The following DLG2 variants were observed in gnomAD, a reference collection of about 807,000 sequenced individuals.
The protein encoded by DLG2 is disks large homolog 2.
A neutral mutation model predicts 132.5 loss-of-function variants in DLG2; 45 were observed. The ratio of observed to expected loss-of-function variants is 0.34; its 90% confidence interval spans 0.27 to 0.44. DLG2 has a LOEUF of 0.44. DLG2 is among the 20% of genes least tolerant of loss of function. DLG2 has a pLI of 1.00. For missense variants in DLG2, 1,045 were observed against 1,196.9 expected, an observed-to-expected ratio of 0.87 and a Z score of 1.87; for synonymous variants, 424 against 419.6, an observed-to-expected ratio of 1.01 and a Z score of -0.13.
At chr11:84,566,969 G>A (rs190612192) in intron 6 of DLG2, among the ~76,000 whole-genome samples, 1 of 152,284 alleles carries the variant, frequency 6.6e-6, no homozygotes, top group East Asian at 1.9e-4. Context: ...CTCAGATGTT[G>A]CTCAAAGCTT....
intron 6 of DLG2, among the ~76,000 whole-genome samples, chr11:84,966,125 G>A (rs570830491): frequency 6.6e-6 from 1 of 151,750 alleles, no homozygotes; most frequent in Admixed American, 6.6e-5. Flanking sequence ...AAGAGTAAAG[G>A]TTACTCTTCT....
intron 21 of DLG2, among the ~76,000 whole-genome samples, chr11:83,489,160 T>C (rs2093697051): frequency 6.6e-6 from 1 of 151,970 alleles, no homozygotes; most frequent in Non-Finnish European, 1.5e-5. Context: ...AAGGTAGTCT[T>C]GAAAACCTCT....
At chr11:85,291,429 A>ATAGT (rs2078881929) in intron 3 of DLG2, among the ~76,000 whole-genome samples, 1 of 152,032 alleles carries the variant, frequency 6.6e-6, no homozygotes, top group Non-Finnish European at 1.5e-5. Flanking sequence ...GTATTATGGG[A>ATAGT]ACAATAGCAG....
Position 83,849,575 on chromosome 11 carries a change from T to C in DLG2, c.1566-15805A>G, listed in dbSNP as rs183625072. Among the ~76,000 whole-genome samples the C allele has an allele frequency of 1.4e-3, 211 of 151,848 alleles. 1 individual carries two copies. Among genetic ancestry groups the C allele is most frequent in the African/African-American group, 4.8e-3 (200 of 41,482 alleles). On this transcript the variant is annotated intron_variant, in intron 16 of 27. Transcript: ENST00000376104. ...TATGAGGGCCTGGGATAGAAAGAAA[T>C]AATTTCTAGATGGGGGTCTATGGAA... is the stretch of plus-strand genomic sequence containing the variant.
intron 16 of DLG2, among the ~76,000 whole-genome samples, chr11:83,862,728 C>T (rs879891452): frequency 1.3e-5 from 2 of 151,992 alleles, no homozygotes; most frequent in Non-Finnish European, 2.9e-5. Context: ...AAACTCTGTA[C>T]AACTACAGAG....
intron 2 of DLG2, among the ~76,000 whole-genome samples, chr11:85,621,198 T>G (rs927864987): frequency 6.7e-6 from 1 of 150,026 alleles, no homozygotes; most frequent in African/African-American, 2.5e-5. Context: ...TTAAGCTCAC[T>G]GTTGAGAACT....
intron 19 of DLG2, among the ~76,000 whole-genome samples, chr11:83,582,760 A>T (rs2097004271): frequency 6.6e-6 from 1 of 152,224 alleles, no homozygotes; most frequent in South Asian, 2.1e-4. Context: ...GGAAGCATAC[A>T]AATATCTTTC....
At chr11:83,521,849 C>T (rs1228681489) in intron 21 of DLG2, among the ~76,000 whole-genome samples, 2 of 152,084 alleles carry the variant, frequency 1.3e-5, no homozygotes, top group African/African-American at 2.4e-5. Context: ...CCCTAGGTGT[C>T]TCCCTACTCC....
At chr11:84,199,786 A>G (rs1210205061) in intron 8 of DLG2, among the ~76,000 whole-genome samples, 3 of 152,110 alleles carry the variant, frequency 2.0e-5, no homozygotes, top group Non-Finnish European at 4.4e-5. Flanking sequence ...AAATAAACCT[A>G]CAGTGTCAGT....
intron 7 of DLG2, among the ~76,000 whole-genome samples, chr11:84,476,546 C>T (rs775302032): frequency 6.6e-6 from 1 of 152,150 alleles, no homozygotes; most frequent in Non-Finnish European, 1.5e-5. Context: ...ACAAGCAACA[C>T]TTGTGCAGAA....
intron 6 of DLG2, among the ~76,000 whole-genome samples, chr11:85,053,510 C>T (rs1259223789): frequency 6.6e-6 from 1 of 151,614 alleles, no homozygotes; most frequent in African/African-American, 2.4e-5. Flanking sequence ...GAGTACAGGC[C>T]GGGCGTGGTG....
intron 3 of DLG2, among the ~76,000 whole-genome samples, chr11:85,294,357 A>G (rs1596009673): frequency 6.6e-6 from 1 of 152,088 alleles, no homozygotes; most frequent in African/African-American, 2.4e-5. Flanking sequence ...GTAAAAAAAA[A>G]AAATCTACAG....
chr11:85,376,176 A>G (rs994695383), intron 3 of DLG2, among the ~76,000 whole-genome samples: 6 of 152,184 alleles, frequency 3.9e-5, no homozygotes, highest in African/African-American at 1.4e-4. Context: ...TGCTTAACTC[A>G]AAGAAATAGA....
At chr11:84,916,681 G>A (rs1387589850) in intron 6 of DLG2, among the ~76,000 whole-genome samples, 1 of 152,102 alleles carries the variant, frequency 6.6e-6, no homozygotes, top group Non-Finnish European at 1.5e-5. Context: ...AGCAACCTGA[G>A]TGATCCTATT....
intron 3 of DLG2, among the ~76,000 whole-genome samples, chr11:85,499,727 AC>A (rs1405402018): frequency 1.3e-5 from 2 of 152,198 alleles, no homozygotes; most frequent in Admixed American, 1.3e-4. Flanking sequence ...ATCCAGCAGC[AC>A]AAAAAACAGC....
At chr11:85,437,011 G>A (rs558771569) in intron 3 of DLG2, among the ~76,000 whole-genome samples, 1 of 152,320 alleles carries the variant, frequency 6.6e-6, no homozygotes, top group East Asian at 1.9e-4. Flanking sequence ...GGACATGGAT[G>A]AAGCTGGAAG....
At chr11:85,108,801 C>T (rs1317969100) in intron 6 of DLG2, among the ~76,000 whole-genome samples, 1 of 151,890 alleles carries the variant, frequency 6.6e-6, no homozygotes, top group Non-Finnish European at 1.5e-5. Context: ...AATCAAAGAA[C>T]AAACCCTATC....
At chr11:85,087,869 A>AC in intron 6 of DLG2, among the ~76,000 whole-genome samples, 2 of 148,308 alleles carry the variant, frequency 1.3e-5, no homozygotes, top group African/African-American at 2.5e-5. Context: ...AAAAAAAAAA[A>AC]CAGATCATGG....
intron 8 of DLG2, among the ~76,000 whole-genome samples, chr11:84,184,336 G>A (rs1176282191): frequency 6.6e-6 from 1 of 151,900 alleles, no homozygotes; most frequent in Non-Finnish European, 1.5e-5. Flanking sequence ...GTGATGATGA[G>A]CATTTTTTCA....
Sources: allele counts gnomAD v4.1 joint callset (sites outside exome capture counted in the v4.1 genomes callset), GRCh38; gene constraint gnomAD v4.1.1; transcripts MANE v1.5; gene names NCBI Gene and HGNC (gene_info 2026-07-23, HGNC 2026-07-21).